COL16A1: variants seen among roughly 807,000 people sequenced by gnomAD.
COL16A1 encodes collagen alpha-1(XVI) chain.
Under a neutral mutation model 266.3 loss-of-function variants are expected in COL16A1, and 189 were observed. That is an observed-to-expected ratio of 0.71 (90% confidence interval 0.63 to 0.80). COL16A1 has a LOEUF of 0.80. Among genes scored for constraint, COL16A1 ranks in the 30% least tolerant of loss-of-function variants. COL16A1 has a pLI of 0.00. For missense variants in COL16A1, 1,928 were observed against 2,122.4 expected (o/e 0.91, Z 1.80); for synonymous variants, 740 against 782.3 (o/e 0.95, Z 0.90).
chr1:31,666,040 T>TGGGCCTGGG lies in COL16A1; in HGVS notation c.3390_3398dup (p.Pro1131_Pro1133dup), dbSNP rs760366175. 1.1e-5 allele frequency: 17 copies of TGGGCCTGGG among 1,613,960 alleles called. No homozygotes were observed. In the African/African-American group the frequency reaches 2.1e-4, roughly 20 times the overall value. On this transcript the variant is annotated inframe_insertion, in exon 53 of 71. Coordinates refer to ENST00000373672, the MANE Select transcript of COL16A1 (RefSeq NM_001856.4). ...CCCCATGCCCTCCTTCACTCACCGC[T>TGGGCCTGGG]GGGCCTGGGGGGCCTGGGAGGCCTT...
chr1:31,692,938 A>C, intron 13 of COL16A1, 130 bp from the exon 14 acceptor site: 6 of 1,013,354 alleles, frequency 5.9e-6, no homozygotes, highest in Non-Finnish European at 9.1e-6. Flanking sequence ...TCTACACCCA[A>C]ACCCCTAGAA....
At position 31,664,156 on chromosome 1, in the gene COL16A1, AGGAAGG is replaced by A. The variant is rs71006319; in HGVS notation, c.3555+1010_3555+1015del. 0.1 allele frequency among the ~76,000 whole-genome samples: 14,160 copies of A among 134,886 alleles called. 2,294 individuals carry two copies. Among genetic ancestry groups the A allele is most frequent in the African/African-American group, 0.36 (11,796 of 32,536 alleles). 88.5% of individuals were successfully genotyped at this position (134,886 alleles called of 152,430 possible). ...TGCCACTCAGGTCCTGGGGAGGGGAAGGAAGGGGAAGGGGAAGGGGAAGGGGAAGGG... is the reference window on the plus strand; with the variant it reads ...TGCCACTCAGGTCCTGGGGAGGGGAAGGAAGGGGAAGGGGAAGGGGAAGGG... On this transcript the variant is annotated intron_variant, in intron 56 of 70. Transcript: ENST00000373672. The surrounding 1 kb of genome is among the most constrained non-coding windows in gnomAD (Gnocchi z 5.5).
At position 31,654,857 on chromosome 1, in the gene COL16A1, C is replaced by G. The variant is rs1640964517; in HGVS notation, c.4292G>C (p.Gly1431Ala). Residue 1431 changes from glycine (G) to alanine (A), a missense_variant and splice_region_variant, in exon 68 of 71, where the codon GGA becomes GCA. Gly to Ala is a moderately conservative substitution (Grantham distance 60). Around this residue, in one of 2 missense-constraint regions of COL16A1, gnomAD observed 376 missense variants for 485.2 expected, o/e 0.77. Coordinates refer to ENST00000373672, the MANE Select transcript of COL16A1 (RefSeq NM_001856.4). ...GATTTCATCATAATTCACCATGTCT[C>G]CCTGAAGAAAGAGAAGAAAACCTGC... ...PGLPGVPGSM[G>A]DMVNYDEIKR... 1 of 1,614,022 alleles carries G rather than the reference C, an allele frequency of 6.2e-7. No individual in the cohort carries two copies. The highest frequency in any genetic ancestry group is 1.3e-5 in the African/African-American group (1 of 74,986).
intron 61 of COL16A1, 130 bp downstream of exon 61, chr1:31,660,935 GA>G: frequency 9.6e-7 from 1 of 1,044,878 alleles, no homozygotes; most frequent in South Asian, 1.6e-5. Flanking sequence ...AGTGTTGGGT[GA>G]CACCCCTCCC....
At chr1:31,654,771 A>G (rs1480954850) in intron 68 of COL16A1, 21 bp downstream of exon 68, 6 of 1,613,846 alleles carry the variant, frequency 3.7e-6, no homozygotes, top group Non-Finnish European at 4.2e-6. Flanking sequence ...ACCCACTGCC[A>G]CCCAGCTGGC....
chr1:31,690,842 T>C (rs1644230174), intron 20 of COL16A1, among the ~76,000 whole-genome samples: 1 of 152,122 alleles, frequency 6.6e-6, no homozygotes, highest in Non-Finnish European at 1.5e-5. Context: ...ACCCCAGCAG[T>C]CACAGACAGA....
intron 22 of COL16A1, 54 bp from the exon 23 acceptor site, chr1:31,689,905 A>C: frequency 6.6e-7 from 1 of 1,517,224 alleles, no homozygotes; most frequent in Non-Finnish European, 9.1e-7. Flanking sequence ...ACCCCAGGGA[A>C]GGCAAGGGGC....
chr1:31,656,105 C>T lies in COL16A1; in HGVS notation c.4101+295G>A. On this transcript the variant is annotated intron_variant, in intron 66 of 70. Coordinates refer to ENST00000373672, the MANE Select transcript of COL16A1 (RefSeq NM_001856.4). This position sits in a 1 kb window ranked among gnomAD's most constrained non-coding sequence, Gnocchi z 4.2. ...TCAGGGACCTCTGTTTACCTGAGGC[C>T]AGGACAAGGGCCTGGAATGTGAGCA... The T allele has an allele frequency of 2.1e-6, 1 of 478,514 alleles. No homozygotes were observed. Among genetic ancestry groups the T allele is most frequent in the Non-Finnish European group, 3.7e-6 (1 of 267,810 alleles). The allele number at this position is 478,514 out of a possible 1,614,324, so 29.6% of individuals were successfully genotyped here. A position where few individuals can be genotyped will look rare whatever the true frequency, so the allele number is the denominator to read the frequency against.
intron 31 of COL16A1, 55 bp downstream of exon 31, chr1:31,684,468 C>G: frequency 6.3e-7 from 1 of 1,585,202 alleles, no homozygotes; most frequent in Non-Finnish European, 8.6e-7. Flanking sequence ...TGGTGCGACA[C>G]CTGATTTTTT....
chr1:31,657,035 C>G lies in COL16A1; in HGVS notation c.4054G>C (p.Glu1352Gln). Residue 1352 changes from glutamate (E) to glutamine (Q), a missense_variant and splice_region_variant, in exon 65 of 71, where the codon GAG becomes CAG. Glu to Gln is a conservative substitution (Grantham distance 29). This residue lies in a region of COL16A1 where 376 missense variants were observed against 485.2 expected (regional missense o/e 0.77). Transcript: ENST00000373672. The surrounding 1 kb of genome is among the most constrained non-coding windows in gnomAD (Gnocchi z 6.4). Reference sequence around the variant, plus strand: ...AGAGAAGACCAGTACAACTGTACCTCTTTGCCAGCTGCACCATCCGTACCA... The same window carrying G: ...AGAGAAGACCAGTACAACTGTACCTGTTTGCCAGCTGCACCATCCGTACCA... Reference protein sequence around the residue: ...EPGTDGAAGKEGPPGKQGFYG... With the variant: ...EPGTDGAAGKQGPPGKQGFYG... 3 of 1,614,116 alleles carry G rather than the reference C, an allele frequency of 1.9e-6. No homozygotes were observed. Among genetic ancestry groups the G allele is most frequent in the South Asian group, 2.2e-5 (2 of 91,084 alleles).
Position 31,670,748 on chromosome 1 carries a change from A to C in COL16A1, c.3151-102T>G. The C allele has an allele frequency of 9.6e-5, 92 of 961,208 alleles. No homozygotes were observed. The highest frequency in any genetic ancestry group is 2.3e-4 in the Middle Eastern group (1 of 4,382). The allele number at this position is 961,208 out of a possible 1,614,324, so 59.5% of individuals were successfully genotyped here. A position where few individuals can be genotyped will look rare whatever the true frequency, so the allele number is the denominator to read the frequency against. Reference sequence around the variant, plus strand: ...TTGGGGGTCATGGGGAGAGGAGGTCATGGGAGTATTTTCAAGGCAGCTGGA... The same window carrying C: ...TTGGGGGTCATGGGGAGAGGAGGTCCTGGGAGTATTTTCAAGGCAGCTGGA... On this transcript the variant is annotated intron_variant, in intron 48 of 70. Transcript: ENST00000373672. This position sits in a 1 kb window ranked among gnomAD's most constrained non-coding sequence, Gnocchi z 4.5.
In COL16A1 at chr1:31,698,666, C is replaced by A. The variant is rs1391442194; in HGVS notation, c.267-60G>T. 8.8e-6 allele frequency: 14 copies of A among 1,596,576 alleles called. No homozygotes were observed. The highest frequency in any genetic ancestry group is 3.6e-4 in the Middle Eastern group (2 of 5,602). ...CAATGAGGACCCAAATGCTGCCCAC[C>A]CTGAGCCCTCAGGACTGCTGAGCCT... On this transcript the variant is annotated intron_variant, in intron 4 of 70. Coordinates refer to ENST00000373672, the MANE Select transcript of COL16A1 (RefSeq NM_001856.4). The surrounding 1 kb of genome is among the most constrained non-coding windows in gnomAD (Gnocchi z 4.1).
At position 31,654,783 on chromosome 1, in the gene COL16A1, G is replaced by T; in HGVS notation, c.4357+9C>A. On this transcript the variant is annotated intron_variant, in intron 68 of 70. Coordinates refer to ENST00000373672, the MANE Select transcript of COL16A1 (RefSeq NM_001856.4). ...AGCACCCACTGCCACCCAGCTGGCT[G>T]CCAGTTACCATCAAACATTTTAATG... is the stretch of plus-strand genomic sequence containing the variant. The T allele has an allele frequency of 6.2e-7, 1 of 1,613,966 alleles. No individual in the cohort carries two copies.
chr1:31,700,178 C>T lies in COL16A1; in HGVS notation c.74-63G>A, dbSNP rs114886382. The T allele has an allele frequency of 2.5e-3, 3,810 of 1,520,994 alleles. 15 individuals carry two copies. Among genetic ancestry groups the T allele is most frequent in the Non-Finnish European group, 3.1e-3 (3,352 of 1,096,586 alleles). The allele number at this position is 1,520,994 out of a possible 1,614,324, so 94.2% of individuals were successfully genotyped here. Reference sequence around the variant, plus strand: ...AGGCCAAGGTTGCTGCACGGCTGGACGCCTGGGGAACCTGGGAGGGAGCAA... The same window carrying T: ...AGGCCAAGGTTGCTGCACGGCTGGATGCCTGGGGAACCTGGGAGGGAGCAA... On this transcript the variant is annotated intron_variant, in intron 2 of 70. Coordinates refer to ENST00000373672, the MANE Select transcript of COL16A1 (RefSeq NM_001856.4).
chr1:31,686,282 G>A lies in COL16A1; in HGVS notation c.1804-3C>T. The A allele has an allele frequency of 1.2e-6, 2 of 1,614,220 alleles. No individual in the cohort carries two copies. The highest frequency in any genetic ancestry group is 1.7e-6 in the Non-Finnish European group (2 of 1,180,048). ...GGCCCTGCCTCCCCGAAGTTACCCT[G>A]AGAGAAAGCACAGAAACCATGATTA... On this transcript the variant is annotated splice_polypyrimidine_tract_variant and splice_region_variant and intron_variant, in intron 26 of 70. Transcript: ENST00000373672.
chr1:31,688,914 TG>T lies in COL16A1; in HGVS notation c.1713del (p.Thr572GlnfsTer26), dbSNP rs769378245. On this transcript the variant is annotated frameshift_variant, in exon 25 of 71. Transcript: ENST00000373672. LOFTEE classifies it high-confidence loss of function. This position sits in a 1 kb window ranked among gnomAD's most constrained non-coding sequence, Gnocchi z 4.9. ...SVVGAQHLVS[S>X]TGASGDVGSP... ...GAACCCACATCTCCACTGGCCCCTG[TG>T]GAGGACACAAGATGCTGGGCCCCTA... 2 of 1,613,912 alleles carry T rather than the reference TG, an allele frequency of 1.2e-6. No homozygotes were observed. The highest frequency in any genetic ancestry group is 1.7e-5 in the Admixed American group (1 of 59,986).
At chr1:31,695,737 C>T (rs1411617485) in intron 10 of COL16A1, 24 bp downstream of exon 10, 7 of 1,612,132 alleles carry the variant, frequency 4.3e-6, no homozygotes, top group Non-Finnish European at 5.9e-6. Flanking sequence ...ACCTCCCCTG[C>T]TGCCAGTCCA....
chr1:31,669,489 C>T (rs946261138), intron 49 of COL16A1, among the ~76,000 whole-genome samples: 11 of 152,062 alleles, frequency 7.2e-5, no homozygotes, highest in African/African-American at 2.7e-4. Context: ...GGTGCCATGC[C>T]ATTAAGGGCA....
chr1:31,679,589 G>A, intron 42 of COL16A1, 43 bp downstream of exon 42: 2 of 1,614,174 alleles, frequency 1.2e-6, no homozygotes, highest in Non-Finnish European at 1.7e-6. Flanking sequence ...CCTGACCCAT[G>A]AGCTCTGCCA....
Sources: allele counts gnomAD v4.1 joint callset (sites outside exome capture counted in the v4.1 genomes callset), GRCh38; gene constraint gnomAD v4.1.1; regional missense constraint gnomAD v4.1.1; non-coding constraint Gnocchi (gnomAD v3.1); transcripts MANE v1.5; gene names NCBI Gene and HGNC (gene_info 2026-07-23, HGNC 2026-07-21).